Variants in DSCAM observed in about 807,000 individuals in gnomAD.
The protein encoded by DSCAM is DS cell adhesion molecule, also known as cell adhesion molecule DSCAM.
Under a neutral mutation model 217.7 loss-of-function variants are expected in DSCAM, and 47 were observed. That is an observed-to-expected ratio of 0.22 (90% CI 0.17 to 0.28). The LOEUF (loss-of-function observed/expected upper bound fraction) is 0.28, where lower values mean the gene tolerates loss of function less well. Ranked by LOEUF, DSCAM falls within the 10% of genes least tolerant of loss-of-function variation. The pLI, the probability that DSCAM is intolerant of heterozygous loss-of-function variation, is 1.00. For synonymous variants in DSCAM, 1,056 were observed against 1,015.3 expected (o/e 1.04, Z -0.76); for missense variants, 2,080 against 2,618.3 (o/e 0.79, Z 4.49).
intron 11 of DSCAM, among the ~76,000 whole-genome samples, chr21:40,265,382 A>G (rs931416564): frequency 2.6e-5 from 4 of 152,170 alleles, no homozygotes; most frequent in Non-Finnish European, 5.9e-5. Flanking sequence ...TCCCATGTTC[A>G]TAGATTGAAA....
chr21:40,060,662 C>T (rs116995294), intron 28 of DSCAM, among the ~76,000 whole-genome samples: 4,606 of 152,264 alleles, frequency 0.03, 106 homozygotes, highest in African/African-American at 0.057. Flanking sequence ...ATCACCTCCG[C>T]GGTGCTAGTA....
chr21:40,215,642 G>A (rs369984328), intron 11 of DSCAM, among the ~76,000 whole-genome samples: 155 of 152,152 alleles, frequency 1.0e-3, no homozygotes, highest in African/African-American at 3.7e-3. Context: ...AATGGACATT[G>A]GAGACTCAGA....
chr21:40,402,419 A>G (rs1301646365), intron 3 of DSCAM, among the ~76,000 whole-genome samples: 1 of 152,116 alleles, frequency 6.6e-6, no homozygotes, highest in Non-Finnish European at 1.5e-5. Flanking sequence ...AGAAGAAGCT[A>G]AGCTAAGAGT....
chr21:40,083,178 C>A (rs374140629), intron 24 of DSCAM, among the ~76,000 whole-genome samples: 1 of 152,212 alleles, frequency 6.6e-6, no homozygotes, highest in East Asian at 1.9e-4. Flanking sequence ...CCTGTAATCC[C>A]AGTACTTTGA....
chr21:40,126,624 C>A (rs2090096586), intron 19 of DSCAM, among the ~76,000 whole-genome samples: 1 of 152,208 alleles, frequency 6.6e-6, no homozygotes, highest in South Asian at 2.1e-4. Context: ...GGAATAAATA[C>A]ATATTTATAT....
Position 40,144,474 on chromosome 21 carries a change from GC to G in DSCAM, c.3259+16del, listed in dbSNP as rs544665869. Reference sequence around the variant, plus strand: ...TTGCGGAGGGAAAAGCCACGACCAGGCCCCGGCCGAACCTACCATCCTCGAG... The same window carrying G: ...TTGCGGAGGGAAAAGCCACGACCAGGCCCGGCCGAACCTACCATCCTCGAG... On this transcript the variant is annotated intron_variant, in intron 17 of 32. Transcript: ENST00000400454. This position sits in a 1 kb window ranked among gnomAD's most constrained non-coding sequence, Gnocchi z 4.8. 166 of 1,613,044 alleles carry G rather than the reference GC, an allele frequency of 1.0e-4. 1 individual carries two copies. In the South Asian group the frequency reaches 1.7e-3, roughly 16 times the overall value.
intron 3 of DSCAM, among the ~76,000 whole-genome samples, chr21:40,620,328 AAAG>A (rs1364980847): frequency 6.1e-5 from 9 of 147,322 alleles, no homozygotes; most frequent in African/African-American, 1.8e-4. Flanking sequence ...GAGAGAGAAA[AAAG>A]AAAAAGAAAG....
intron 1 of DSCAM, among the ~76,000 whole-genome samples, chr21:40,788,532 T>C (rs2091612770): frequency 6.6e-6 from 1 of 152,222 alleles, no homozygotes; most frequent in African/African-American, 2.4e-5. Flanking sequence ...GGTCCCTTTC[T>C]TCCATCTGCT....
intron 4 of DSCAM, among the ~76,000 whole-genome samples, chr21:40,365,762 G>A (rs1490652465): frequency 6.6e-6 from 1 of 151,930 alleles, no homozygotes; most frequent in East Asian, 1.9e-4. Flanking sequence ...TTTTCCTCTG[G>A]AATTTGGTCC....
intron 3 of DSCAM, among the ~76,000 whole-genome samples, chr21:40,591,595 G>T (rs1037772847): frequency 3.0e-4 from 45 of 152,150 alleles, no homozygotes; most frequent in African/African-American, 1.1e-3. Flanking sequence ...GTCCACTAGG[G>T]TTAAATTTCT....
At chr21:40,705,996 CG>C (rs1362800299) in intron 2 of DSCAM, among the ~76,000 whole-genome samples, 3 of 151,910 alleles carry the variant, frequency 2.0e-5, no homozygotes, top group Non-Finnish European at 2.9e-5. Flanking sequence ...CTGGCTAACA[CG>C]GTGAAACCCC....
chr21:40,484,952 C>T (rs1425422346), intron 3 of DSCAM, among the ~76,000 whole-genome samples: 2 of 152,172 alleles, frequency 1.3e-5, no homozygotes, highest in Non-Finnish European at 2.9e-5. Flanking sequence ...TGGAGGTCAC[C>T]TTTCTTTGCT....
Position 40,706,563 on chromosome 21 carries a change from A to C in DSCAM, c.361+1891T>G, listed in dbSNP as rs182492013. On this transcript the variant is annotated intron_variant, in intron 2 of 32. Transcript: ENST00000400454. The stretch of plus-strand genomic sequence containing the variant: ...TTATTCCAGGAAAATCCAAACACCA[A>C]TCTACAGGGATATTTAGACATTTAG... 5.1e-4 allele frequency among the ~76,000 whole-genome samples: 77 copies of C among 152,284 alleles called. 1 individual carries two copies. Among genetic ancestry groups the C allele is most frequent in the Admixed American group, 4.8e-3 (73 of 15,296 alleles).
rs1468901206 is a variant in DSCAM at position 40,246,817 on chromosome 21, A to G, written c.2356+29280T>C. 2.6e-5 allele frequency among the ~76,000 whole-genome samples: 4 copies of G among 152,152 alleles called. No individual in the cohort carries two copies. In the East Asian group the frequency reaches 7.7e-4, roughly 29 times the overall value. On this transcript the variant is annotated intron_variant, in intron 11 of 32. Coordinates refer to ENST00000400454, the MANE Select transcript of DSCAM (RefSeq NM_001389.5). Reference sequence around the variant, plus strand: ...CTGAGAGAGTCCCAGGGAAACTGAGACAGCTGGTCACCTATATGTGGCCTT... The same window carrying G: ...CTGAGAGAGTCCCAGGGAAACTGAGGCAGCTGGTCACCTATATGTGGCCTT...
In DSCAM at chr21:40,703,494, G is replaced by C. The variant is rs565784514; in HGVS notation, c.361+4960C>G. On this transcript the variant is annotated intron_variant, in intron 2 of 32. Coordinates refer to ENST00000400454, the MANE Select transcript of DSCAM (RefSeq NM_001389.5). ...TGATCACCCCACTGCACCCCAGCCT[G>C]GTTGACAGAGCAAGGCCCTGTCTCA... Among the ~76,000 whole-genome samples the C allele has an allele frequency of 6.6e-4, 101 of 152,210 alleles. 1 individual carries two copies. In the South Asian group the frequency reaches 0.019, roughly 29 times the overall value.
intron 3 of DSCAM, among the ~76,000 whole-genome samples, chr21:40,680,389 A>T (rs1292931403): frequency 6.6e-6 from 1 of 152,150 alleles, no homozygotes; most frequent in Non-Finnish European, 1.5e-5. Context: ...CACAGTACCC[A>T]GGTCCACAGA....
intron 27 of DSCAM, among the ~76,000 whole-genome samples, chr21:40,066,165 T>TA (rs1217948436): frequency 6.6e-6 from 1 of 152,236 alleles, no homozygotes. Context: ...TCCCAGCTCA[T>TA]ACTGTGCCCA....
At chr21:40,093,899 C>T (rs1228418819) in intron 20 of DSCAM, 25 bp from the exon 21 acceptor site, 1 of 1,599,172 alleles carries the variant, frequency 6.3e-7, no homozygotes, top group Non-Finnish European at 8.5e-7. Flanking sequence ...ATAAGTGTTC[C>T]CACATTCAAA....
At chr21:40,347,298 CAA>C (rs796531226) in intron 6 of DSCAM, among the ~76,000 whole-genome samples, 132 of 79,372 alleles carry the variant, frequency 1.7e-3, no homozygotes, top group Middle Eastern at 7.5e-3. Context: ...AACTCCATCT[CAA>C]AAAAAAAAAA....
Sources: gnomAD v4.1 joint callset for allele counts (sites outside exome capture counted in the v4.1 genomes callset) on GRCh38, gnomAD v4.1.1 for gene constraint, Gnocchi (gnomAD v3.1) non-coding constraint, MANE v1.5 for transcripts, NCBI Gene and HGNC (gene_info 2026-07-23, HGNC 2026-07-21) for gene names.